The following UVRAG variants were observed in gnomAD, a reference collection of about 807,000 sequenced individuals.
UVRAG encodes the protein UV radiation resistance-associated gene protein.
Under a neutral mutation model 78.0 loss-of-function variants are expected in UVRAG, and 19 were observed. The observed-to-expected ratio is 0.24, with a 90% CI of 0.17 to 0.36. The LOEUF (loss-of-function observed/expected upper bound fraction) is 0.36, where lower values mean the gene tolerates loss of function less well. Among genes scored for constraint, UVRAG ranks in the 10% least tolerant of loss-of-function variants. The pLI is 1.00. For synonymous variants in UVRAG, 323 were observed against 324.6 expected, an observed-to-expected ratio of 1.00 and a Z score of 0.05; for missense variants, 740 against 853.8, an observed-to-expected ratio of 0.87 and a Z score of 1.66.
chr11:75,924,120 C>T (rs546441412), intron 6 of UVRAG, among the ~76,000 whole-genome samples: 5 of 152,062 alleles, frequency 3.3e-5, no homozygotes, highest in African/African-American at 9.7e-5. Flanking sequence ...TGGCTCAGAG[C>T]GAATGCTCAG....
intron 12 of UVRAG, among the ~76,000 whole-genome samples, chr11:76,018,890 G>C (rs1196000165): frequency 6.6e-6 from 1 of 152,046 alleles, no homozygotes; most frequent in East Asian, 1.9e-4. Flanking sequence ...TTTTTTCCTA[G>C]GTTTGGGAAG....
intron 2 of UVRAG, among the ~76,000 whole-genome samples, chr11:75,855,096 A>G (rs903712032): frequency 2.6e-5 from 4 of 152,226 alleles, no homozygotes; most frequent in Non-Finnish European, 4.4e-5. Context: ...AAGAATAGTC[A>G]TGGGGCTGGT....
chr11:76,024,015 T>A (rs1950288523), intron 12 of UVRAG, among the ~76,000 whole-genome samples: 1 of 152,180 alleles, frequency 6.6e-6, no homozygotes, highest in Admixed American at 6.6e-5. Flanking sequence ...AGATATATAC[T>A]TAAGAAAGAT....
intron 13 of UVRAG, among the ~76,000 whole-genome samples, chr11:76,098,561 G>C (rs1347539199): frequency 6.6e-6 from 1 of 152,172 alleles, no homozygotes; most frequent in African/African-American, 2.4e-5. Flanking sequence ...GGAAGTTAAT[G>C]TGTAAGTGGC....
intron 13 of UVRAG, among the ~76,000 whole-genome samples, chr11:76,075,272 T>C (rs1951383387): frequency 6.6e-6 from 1 of 151,562 alleles, no homozygotes; most frequent in Non-Finnish European, 1.5e-5. Context: ...TAAAAAAAAG[T>C]TTACTGAGAT....
intron 12 of UVRAG, among the ~76,000 whole-genome samples, chr11:76,021,334 T>C (rs1208284299): frequency 6.6e-6 from 1 of 152,216 alleles, no homozygotes; most frequent in Non-Finnish European, 1.5e-5. Context: ...GGTGTTTTCT[T>C]ATAATCCTTT....
At chr11:76,066,231 A>G (rs1341248220) in intron 13 of UVRAG, among the ~76,000 whole-genome samples, 1 of 152,180 alleles carries the variant, frequency 6.6e-6, no homozygotes, top group East Asian at 1.9e-4. Context: ...GGAAAAGACC[A>G]AGCACATGAC....
chr11:75,851,839 A>T lies in UVRAG; in HGVS notation c.118-44A>T, dbSNP rs1026170636. ...TGCAACTTCCAGAAAATTTTATAGG[A>T]GGAAAAATCTGAATGCCTTCTCTTT... On this transcript the variant is annotated intron_variant, in intron 1 of 14. Transcript: ENST00000356136. 8 of 1,495,890 alleles carry T rather than the reference A, an allele frequency of 5.3e-6. No homozygotes were observed. In the African/African-American group the frequency reaches 8.4e-5, roughly 16 times the overall value. The allele number at this position is 1,495,890 out of a possible 1,614,324, so 92.7% of individuals were successfully genotyped here. A position where few individuals can be genotyped will look rare whatever the true frequency, so the allele number is the denominator to read the frequency against.
intron 1 of UVRAG, among the ~76,000 whole-genome samples, chr11:75,826,448 A>G (rs957819801): frequency 2.6e-5 from 4 of 151,878 alleles, no homozygotes; most frequent in Non-Finnish European, 4.4e-5. Context: ...AGCCTGGCCG[A>G]GAACTTGTTT....
intron 13 of UVRAG, among the ~76,000 whole-genome samples, chr11:76,084,242 C>G (rs1253412292): frequency 6.6e-6 from 1 of 152,184 alleles, no homozygotes; most frequent in Non-Finnish European, 1.5e-5. Flanking sequence ...TTAAGATACC[C>G]ATTAAATTCA....
intron 5 of UVRAG, among the ~76,000 whole-genome samples, chr11:75,897,043 T>C (rs1351834998): frequency 6.6e-6 from 1 of 152,216 alleles, no homozygotes; most frequent in Non-Finnish European, 1.5e-5. Flanking sequence ...ACTTTCTCAC[T>C]TTAATGGAAA....
At chr11:76,111,631 A>T (rs926630871) in intron 13 of UVRAG, among the ~76,000 whole-genome samples, 1 of 152,216 alleles carries the variant, frequency 6.6e-6, no homozygotes, top group African/African-American at 2.4e-5. Flanking sequence ...TTATTCCCCA[A>T]ATAAGATCCA....
At chr11:76,072,898 C>T (rs1442725223) in intron 13 of UVRAG, among the ~76,000 whole-genome samples, 4 of 152,112 alleles carry the variant, frequency 2.6e-5, no homozygotes, top group African/African-American at 9.7e-5. Context: ...CCCCAACACC[C>T]TCAGTAGGTC....
intron 6 of UVRAG, among the ~76,000 whole-genome samples, chr11:75,922,820 C>T (rs1948005602): frequency 6.6e-6 from 1 of 151,526 alleles, no homozygotes; most frequent in Non-Finnish European, 1.5e-5. Flanking sequence ...TGGTGGCACG[C>T]ACCTGTAATT....
chr11:75,831,053 T>C (rs1246438999), intron 1 of UVRAG, among the ~76,000 whole-genome samples: 1 of 152,160 alleles, frequency 6.6e-6, no homozygotes, highest in Non-Finnish European at 1.5e-5. Context: ...GAGGATTAAG[T>C]GTGTCATAAA....
intron 2 of UVRAG, among the ~76,000 whole-genome samples, chr11:75,853,063 G>A (rs2134749191): frequency 6.6e-6 from 1 of 151,938 alleles, no homozygotes; most frequent in Middle Eastern, 3.4e-3. Flanking sequence ...GGTGTGAGAC[G>A]CCACTCCAGG....
chr11:75,968,773 T>C (rs1949072773), intron 7 of UVRAG, among the ~76,000 whole-genome samples: 1 of 152,222 alleles, frequency 6.6e-6, no homozygotes, highest in African/African-American at 2.4e-5. Context: ...ACATATTTTG[T>C]GGAAAAATTC....
intron 2 of UVRAG, among the ~76,000 whole-genome samples, chr11:75,856,050 C>T (rs573374169): frequency 9.0e-4 from 137 of 152,192 alleles, no homozygotes; most frequent in African/African-American, 3.1e-3. Context: ...AGTGCAGTGG[C>T]GCGATTCCAG....
At chr11:75,928,183 T>G (rs962684769) in intron 6 of UVRAG, among the ~76,000 whole-genome samples, 1 of 152,000 alleles carries the variant, frequency 6.6e-6, no homozygotes, top group African/African-American at 2.4e-5. Flanking sequence ...GATCCAGCAA[T>G]CAGAAAACTG....
Sources: allele counts gnomAD v4.1 joint callset (sites outside exome capture counted in the v4.1 genomes callset), GRCh38; gene constraint gnomAD v4.1.1; transcripts MANE v1.5; gene names NCBI Gene and HGNC (gene_info 2026-07-23, HGNC 2026-07-21).